The following KIAA0319 variants were observed in gnomAD, a reference collection of about 807,000 sequenced individuals.
KIAA0319 encodes the protein KIAA0319.
KIAA0319 carries 83 observed loss-of-function variants against 108.4 expected under a neutral mutation model. That is an observed-to-expected ratio of 0.77 (90% CI 0.64 to 0.92). The LOEUF (loss-of-function observed/expected upper bound fraction) is 0.92, where lower values mean the gene tolerates loss of function less well. KIAA0319 is among the 40% of genes least tolerant of loss of function. The probability of loss-of-function intolerance (pLI) is 0.00; values close to 1 mark genes in which losing one functional copy is unlikely to be tolerated. For synonymous variants in KIAA0319, 484 were observed against 510.4 expected (o/e 0.95, Z 0.70); for missense variants, 1,195 against 1,322.4 (o/e 0.90, Z 1.49).
Position 24,596,125 on chromosome 6 carries a change from C to A in KIAA0319, c.549G>T (p.Thr183=). 1 of 1,613,954 alleles carries A rather than the reference C, an allele frequency of 6.2e-7. No homozygotes were observed. Among genetic ancestry groups the A allele is most frequent in the Non-Finnish European group, 8.5e-7 (1 of 1,179,958 alleles). ...KQEPRGSAEY[T]DWGLLPGSEG... ...CGCTGCCCGGCAGTAGGCCCCAGTC[C>A]GTGTACTCGGCACTCCCTCTGGGCT... The change falls in exon 3 of 21, where the codon ACG becomes ACT. Residue 183 remains threonine (T), a synonymous_variant. Coordinates refer to ENST00000378214, the MANE Select transcript of KIAA0319 (RefSeq NM_014809.4).
chr6:24,614,263 G>T (rs1185676685), intron 1 of KIAA0319, among the ~76,000 whole-genome samples: 5 of 152,100 alleles, frequency 3.3e-5, no homozygotes, highest in Admixed American at 6.6e-5. Flanking sequence ...GTGTCTCCAT[G>T]CCCTTCTCTT....
intron 19 of KIAA0319, among the ~76,000 whole-genome samples, chr6:24,552,096 A>T (rs975817879): frequency 3.3e-5 from 5 of 151,976 alleles, no homozygotes; most frequent in Non-Finnish European, 5.9e-5. Context: ...GAAAATACAC[A>T]TCCAAACCAT....
chr6:24,562,123 A>C (rs1763190706), intron 16 of KIAA0319, among the ~76,000 whole-genome samples: 1 of 152,228 alleles, frequency 6.6e-6, no homozygotes. Context: ...GGTATGAGCC[A>C]CTGCATCCAG....
chr6:24,561,563 T>C (rs1763096613), intron 16 of KIAA0319, among the ~76,000 whole-genome samples: 1 of 152,142 alleles, frequency 6.6e-6, no homozygotes, highest in Non-Finnish European at 1.5e-5. Context: ...ACCCACATTT[T>C]TTGGAGACTG....
At chr6:24,587,343 T>C (rs9379668) in intron 4 of KIAA0319, among the ~76,000 whole-genome samples, 64,990 of 151,718 alleles carry the variant, frequency 0.43, 14,169 homozygotes, top group African/African-American at 0.51. Flanking sequence ...TGCAGTGGCA[T>C]GATCTCAGCT....
Position 24,581,013 on chromosome 6 carries a change from A to G in KIAA0319, c.1192T>C (p.Leu398=), listed in dbSNP as rs983274770. The G allele has an allele frequency of 1.9e-6, 3 of 1,599,948 alleles. No individual in the cohort carries two copies. In the African/African-American group the frequency reaches 4.0e-5, roughly 21 times the overall value. ...GHKQTLNLSQ[L]SVGLYVFKVT... ...TTGAAGACATAAAGTCCGACGGACA[A>G]CTGTAACATAAAGAAAAGTTGTACA... The change falls in exon 7 of 21, where the codon TTG becomes CTG. Residue 398 remains leucine, a splice_region_variant and synonymous_variant. Coordinates refer to ENST00000378214, the MANE Select transcript of KIAA0319 (RefSeq NM_014809.4).
intron 1 of KIAA0319, among the ~76,000 whole-genome samples, chr6:24,614,269 C>T (rs1182337168): frequency 6.6e-6 from 1 of 152,142 alleles, no homozygotes; most frequent in African/African-American, 2.4e-5. Context: ...CCATGCCCTT[C>T]TCTTCGCCTC....
Position 24,564,189 on chromosome 6 carries a change from C to G in KIAA0319, c.2431+13G>C, listed in dbSNP as rs376652269. 1.1e-4 allele frequency: 182 copies of G among 1,613,986 alleles called. No homozygotes were observed. The African/African-American group carries it at 2.1e-3, about 19-fold the overall frequency. Reference sequence around the variant, plus strand: ...AGAGCCTGCATGGCCAGCTCCAGAGCCCAGGAACTCACCTGGCTGCACTTC... The same window carrying G: ...AGAGCCTGCATGGCCAGCTCCAGAGGCCAGGAACTCACCTGGCTGCACTTC... On this transcript the variant is annotated intron_variant, in intron 15 of 20. Coordinates refer to ENST00000378214, the MANE Select transcript of KIAA0319 (RefSeq NM_014809.4).
At chr6:24,645,095 TG>T (rs1389633049) in intron 1 of KIAA0319, among the ~76,000 whole-genome samples, 1 of 152,168 alleles carries the variant, frequency 6.6e-6, no homozygotes, top group Non-Finnish European at 1.5e-5. Flanking sequence ...AATTCTTGTG[TG>T]TGGGGGGGAA....
chr6:24,638,556 C>G (rs775357539), intron 1 of KIAA0319, among the ~76,000 whole-genome samples: 7 of 151,964 alleles, frequency 4.6e-5, no homozygotes, highest in African/African-American at 1.7e-4. Context: ...GTCAGGAGAT[C>G]GAGACCATCC....
At chr6:24,608,229 T>C (rs1302332331) in intron 1 of KIAA0319, among the ~76,000 whole-genome samples, 1 of 151,780 alleles carries the variant, frequency 6.6e-6, no homozygotes, top group Non-Finnish European at 1.5e-5. Flanking sequence ...AATAAATAAA[T>C]AAAATGCTAC....
At chr6:24,554,175 A>G (rs1761975493) in intron 19 of KIAA0319, among the ~76,000 whole-genome samples, 1 of 152,240 alleles carries the variant, frequency 6.6e-6, no homozygotes, top group African/African-American at 2.4e-5. Context: ...GCTGGTGTCC[A>G]CTGCAAAGCT....
chr6:24,644,812 A>G (rs961935276), intron 1 of KIAA0319, among the ~76,000 whole-genome samples: 8 of 151,994 alleles, frequency 5.3e-5, no homozygotes, highest in African/African-American at 1.7e-4. Flanking sequence ...CAAATAAATC[A>G]GAGTACTTAG....
intron 8 of KIAA0319, 38 bp from the exon 9 acceptor site, chr6:24,578,280 A>G (rs775524480): frequency 6.8e-7 from 1 of 1,462,782 alleles, no homozygotes; most frequent in Non-Finnish European, 9.4e-7. Context: ...ATGAAATACA[A>G]GAAGAGGAAG....
At chr6:24,549,230 G>A in intron 20 of KIAA0319, among the ~76,000 whole-genome samples, 1 of 149,620 alleles carries the variant, frequency 6.7e-6, no homozygotes, top group Non-Finnish European at 1.5e-5. Context: ...GGAGGCTAAG[G>A]CATGAGAATT....
In KIAA0319 at chr6:24,559,155, G is replaced by T; in HGVS notation, c.2592C>A (p.Ser864Arg). The change falls in exon 17 of 21, where the codon AGC (serine) becomes AGA (arginine). Residue 864 changes from serine (S) to arginine (R), a missense_variant and splice_region_variant. Coordinates refer to ENST00000378214, the MANE Select transcript of KIAA0319 (RefSeq NM_014809.4). ...VQKIRAHSDL[S>R]TVIVFYVQSR... ...TCTGTACATAAAACACAATCACGGT[G>T]CTGTGGAGGAGACAATGAGAGAGGA... 6.2e-7 allele frequency: 1 copy of T among 1,612,426 alleles called. No individual in the cohort carries two copies. The highest frequency in any genetic ancestry group is 8.5e-7 in the Non-Finnish European group (1 of 1,179,878).
chr6:24,556,761 A>G (rs544191311), intron 17 of KIAA0319, 32 bp from the exon 18 acceptor site: 2 of 1,591,694 alleles, frequency 1.3e-6, no homozygotes, highest in East Asian at 2.2e-5. Context: ...TGAGGGCAGC[A>G]TGCAGAAAAG....
rs1475026201 is a variant in KIAA0319 at position 24,596,128 on chromosome 6, G to A, written c.546C>T (p.Tyr182=). 2 of 1,613,922 alleles carry A rather than the reference G, an allele frequency of 1.2e-6. No individual in the cohort carries two copies. Among genetic ancestry groups the A allele is most frequent in the African/African-American group, 1.3e-5 (1 of 74,890 alleles). The change falls in exon 3 of 21, where the codon TAC becomes TAT. Residue 182 remains tyrosine (Y), a synonymous_variant. Transcript: ENST00000378214. The stretch of plus-strand genomic sequence containing the variant: ...TGCCCGGCAGTAGGCCCCAGTCCGT[G>A]TACTCGGCACTCCCTCTGGGCTCCT... The part of the protein sequence containing the change: ...GKQEPRGSAE[Y]TDWGLLPGSE...
intron 9 of KIAA0319, 31 bp downstream of exon 9, chr6:24,578,079 G>A: frequency 6.3e-7 from 1 of 1,581,094 alleles, no homozygotes; most frequent in African/African-American, 1.4e-5. Context: ...GTAAGTAGCA[G>A]GCAGCACAAT....
Sources: gnomAD v4.1 joint callset for allele counts (sites outside exome capture counted in the v4.1 genomes callset) on GRCh38, gnomAD v4.1.1 for gene constraint, MANE v1.5 for transcripts, NCBI Gene and HGNC (gene_info 2026-07-23, HGNC 2026-07-21) for gene names.